Variants in EOMES observed in about 807,000 individuals in gnomAD.
EOMES encodes the protein eomesodermin homolog.
In EOMES, 18 loss-of-function variants were observed where a neutral mutation model predicts 61.0. The ratio of observed to expected loss-of-function variants is 0.30; its 90% CI spans 0.20 to 0.44. EOMES has a LOEUF of 0.44. EOMES is among the 20% of genes least tolerant of loss of function. EOMES has a pLI of 1.00. For missense variants in EOMES, 885 were observed against 939.2 expected (o/e 0.94, Z 0.75); for synonymous variants, 430 against 394.0 (o/e 1.09, Z -1.08).
At chr3:27,718,981 G>A (rs1344872086) in intron 3 of EOMES, 88 bp from the exon 4 acceptor site, 1 of 1,002,012 alleles carries the variant, frequency 1.0e-6, no homozygotes, top group East Asian at 2.5e-5. Flanking sequence ...ATGTATTTTG[G>A]TATTGGACTT....
chr3:27,721,668 G>A lies in EOMES; in HGVS notation c.627C>T (p.Gly209=), dbSNP rs1379628869. 6.5e-7 allele frequency: 1 copy of A among 1,533,358 alleles called. No homozygotes were observed. Among genetic ancestry groups the A allele is most frequent in the East Asian group, 2.5e-5 (1 of 40,346 alleles). The allele number at this position is 1,533,358 out of a possible 1,614,324, so 95.0% of individuals were successfully genotyped here. The change falls in exon 1 of 6, where the codon GGC becomes GGT. Residue 209 remains glycine (G), a synonymous_variant. Transcript: ENST00000449599. This position sits in a 1 kb window ranked among gnomAD's most constrained non-coding sequence, Gnocchi z 7.4. ...AVCPPGRAQF[G]PGAGAGSGAG... is the part of the protein sequence containing the mutation. ...CGCCACTGCCCGCACCGGCTCCTGG[G>A]CCGAACTGCGCCCTCCCGGGTGGGC...
At chr3:27,720,987 G>A (rs1012395554) in intron 1 of EOMES, among the ~76,000 whole-genome samples, 2 of 152,168 alleles carry the variant, frequency 1.3e-5, no homozygotes, top group Non-Finnish European at 2.9e-5. Context: ...AGACCCTGGC[G>A]CCTAAAACTG....
At position 27,721,816 on chromosome 3, in the gene EOMES, C is replaced by A. The variant is rs778647588; in HGVS notation, c.479G>T (p.Cys160Phe). 2.6e-6 allele frequency: 4 copies of A among 1,509,892 alleles called. No homozygotes were observed. In the South Asian group the frequency reaches 5.2e-5, roughly 20 times the overall value. 93.5% of individuals were successfully genotyped at this position (1,509,892 alleles called of 1,614,324 possible). A position where few individuals can be genotyped will look rare whatever the true frequency, so the allele number is the denominator to read the frequency against. Residue 160 changes from cysteine (C) to phenylalanine (F), a missense_variant, in exon 1 of 6, where the codon TGC becomes TTC. Physicochemically the swap from Cys to Phe is radical, Grantham distance 205. Coordinates refer to ENST00000449599, the MANE Select transcript of EOMES (RefSeq NM_001278182.2). The surrounding 1 kb of genome is among the most constrained non-coding windows in gnomAD (Gnocchi z 7.4). The part of the protein sequence containing the change: ...GPQGSELAAP[C>F]SLFPYQAAAG... ...CGCCGCCTGGTACGGGAAGAGTGAG[C>A]AGGGCGCAGCCAGCTCCGACCCCTG...
chr3:27,720,398 G>A, intron 1 of EOMES, 73 bp from the exon 2 acceptor site: 6 of 1,331,172 alleles, frequency 4.5e-6, no homozygotes, highest in Non-Finnish European at 6.5e-6. Context: ...GCCCCAGCGG[G>A]TTCCCCAGAC....
rs1446229912 is a variant in EOMES, at chr3:27,717,502, G to T, written c.1686C>A (p.Ser562Arg). 1 of 1,614,134 alleles carries T rather than the reference G, an allele frequency of 6.2e-7. No individual in the cohort carries two copies. The highest frequency in any genetic ancestry group is 1.7e-5 in the Admixed American group (1 of 60,034). The change falls in exon 6 of 6, where the codon AGC (serine) becomes AGA (arginine). Residue 562 changes from serine (S) to arginine (R), a missense_variant. Physicochemically the swap from Ser to Arg is moderately radical, Grantham distance 110 (BLOSUM62 -1). This residue lies in a region of EOMES where 259 missense variants were observed against 282.3 expected (regional missense o/e 0.92). Coordinates refer to ENST00000449599, the MANE Select transcript of EOMES (RefSeq NM_001278182.2). This position sits in a 1 kb window ranked among gnomAD's most constrained non-coding sequence, Gnocchi z 4.5. ...ISSYESEYTS[S>R]TLLPYGIKSL... ...ATTTAATGCCATATGGGAGCAATGT[G>T]CTAGAAGTATATTCAGATTCATAGG...
chr3:27,717,285 A>G lies in EOMES; in HGVS notation c.1903T>C (p.Ser635Pro). Residue 635 changes from serine to proline, a missense_variant, in exon 6 of 6, where the codon TCT (serine) becomes CCT (proline). By Grantham distance (74) the Ser-to-Pro change is moderately conservative. Around this residue, in one of 3 missense-constraint regions of EOMES, gnomAD observed 259 missense variants for 282.3 expected, o/e 0.92. Transcript: ENST00000449599. This position sits in a 1 kb window ranked among gnomAD's most constrained non-coding sequence, Gnocchi z 4.5. ...SKEKVKEEIG[S>P]SWIETPPSIK... ...GAAGGGGGTGTCTCTATCCAAGAAG[A>G]GCCAATTTCCTCTTTCACTTTCTCC... 1 of 1,614,150 alleles carries G rather than the reference A, an allele frequency of 6.2e-7. No homozygotes were observed. The highest frequency in any genetic ancestry group is 8.5e-7 in the Non-Finnish European group (1 of 1,180,008).
intron 5 of EOMES, among the ~76,000 whole-genome samples, chr3:27,718,128 C>T (rs1340919196): frequency 6.6e-6 from 1 of 151,992 alleles, no homozygotes; most frequent in African/African-American, 2.4e-5. Flanking sequence ...ATGGAAAAAA[C>T]ACTGGCTGTG....
At position 27,718,581 on chromosome 3, in the gene EOMES, A is replaced by C; in HGVS notation, c.1379+6T>G. 1 of 1,602,888 alleles carries C rather than the reference A, an allele frequency of 6.2e-7. No individual in the cohort carries two copies. ...TCAGGCAAGTGTGGATAAAAGCTGC[A>C]CTTACGAATCATAGTTGTCTCTGAA... is the stretch of plus-strand genomic sequence containing the variant. On this transcript the variant is annotated splice_donor_region_variant and intron_variant, in intron 5 of 5. Transcript: ENST00000449599.
rs980487670 is a variant in EOMES, at chr3:27,716,795, C to T, written c.*275G>A. 20 of 380,204 alleles carry T rather than the reference C, an allele frequency of 5.3e-5. No homozygotes were observed. The highest frequency in any genetic ancestry group is 8.4e-5 in the Non-Finnish European group (18 of 214,404). The allele number at this position is 380,204 out of a possible 1,614,324, so 23.6% of individuals were successfully genotyped here. ...CTGCTTCTTTGAAGGGTTAGTGTCT[C>T]CCCAATAAATAAATACAGAACCTTG... On this transcript the variant is annotated 3_prime_UTR_variant, in exon 6 of 6. Coordinates refer to ENST00000449599, the MANE Select transcript of EOMES (RefSeq NM_001278182.2).
At chr3:27,719,210 G>A (rs1331901131) in intron 3 of EOMES, 150 bp downstream of exon 3, 4 of 804,954 alleles carry the variant, frequency 5.0e-6, no homozygotes, top group African/African-American at 1.7e-5. Context: ...AGATGAGAAA[G>A]GTCAAAAGAA....
rs549253742 is a variant in EOMES, at chr3:27,716,718, G to C, written c.*352C>G. 48 of 196,594 alleles carry C rather than the reference G, an allele frequency of 2.4e-4. 1 individual carries two copies. The highest frequency in any genetic ancestry group is 4.1e-3 in the Middle Eastern group (2 of 484). The allele number at this position is 196,594 out of a possible 1,614,324, so 12.2% of individuals were successfully genotyped here. ...CTTAAGAATTTACAAATAGAAATGA[G>C]AATCAAAGGTTTTAACTCATCTGAT... On this transcript the variant is annotated 3_prime_UTR_variant, in exon 6 of 6. Transcript: ENST00000449599.
Position 27,717,720 on chromosome 3 carries a change from C to G in EOMES, c.1468G>C (p.Gly490Arg). The G allele has an allele frequency of 6.2e-7, 1 of 1,613,782 alleles. No homozygotes were observed. Among genetic ancestry groups the G allele is most frequent in the South Asian group, 1.1e-5 (1 of 91,052 alleles). Residue 490 changes from glycine to arginine, a missense_variant, in exon 6 of 6, where the codon GGC becomes CGC. By Grantham distance (125) the Gly-to-Arg change is moderately radical (BLOSUM62 -2). This residue lies in a region of EOMES where 259 missense variants were observed against 282.3 expected (regional missense o/e 0.92). Coordinates refer to ENST00000449599, the MANE Select transcript of EOMES (RefSeq NM_001278182.2). This position sits in a 1 kb window ranked among gnomAD's most constrained non-coding sequence, Gnocchi z 4.5. ...GGCTCCGGGAAGAAGGATTGAACGCCGTACCGACCTCCAGGGACAATCTGA... is the reference window on the plus strand; with the variant it reads ...GGCTCCGGGAAGAAGGATTGAACGCGGTACCGACCTCCAGGGACAATCTGA... ...SHQIVPGGRY[G>R]VQSFFPEPFV...
Position 27,722,108 on chromosome 3 carries a change from C to A in EOMES, c.187G>T (p.Ala63Ser), listed in dbSNP as rs538218063. ...KKFSGSLSCEAVSGEPAAASA... is the reference protein window; with the variant it reads ...KKFSGSLSCESVSGEPAAASA... Reference sequence around the variant, plus strand: ...GCGGCTGCGGGCTCCCCGCTCACCGCCTCGCAGGAGAGACTGCCGGAAAAC... The same window carrying A: ...GCGGCTGCGGGCTCCCCGCTCACCGACTCGCAGGAGAGACTGCCGGAAAAC... Residue 63 changes from alanine (A) to serine (S), a missense_variant, in exon 1 of 6, where the codon GCG (alanine) becomes TCG (serine). Around this residue, in one of 3 missense-constraint regions of EOMES, gnomAD observed 449 missense variants for 383.6 expected, o/e 1.17. Coordinates refer to ENST00000449599, the MANE Select transcript of EOMES (RefSeq NM_001278182.2). 2.6e-6 allele frequency: 4 copies of A among 1,549,468 alleles called. No homozygotes were observed. The highest frequency in any genetic ancestry group is 1.4e-5 in the African/African-American group (1 of 73,006).
chr3:27,719,033 A>T, intron 3 of EOMES, 140 bp from the exon 4 acceptor site: 2 of 697,650 alleles, frequency 2.9e-6, no homozygotes. Context: ...TGCAAGTTTA[A>T]AGGTCTCATT....
chr3:27,720,957 C>T (rs1365007749), intron 1 of EOMES, among the ~76,000 whole-genome samples: 3 of 152,190 alleles, frequency 2.0e-5, no homozygotes. Context: ...TCATGCCCAC[C>T]TCCCGGAGAC....
rs918752739 is a variant in EOMES at position 27,721,961 on chromosome 3, C to G, written c.334G>C (p.Glu112Gln). 3 of 1,425,122 alleles carry G rather than the reference C, an allele frequency of 2.1e-6. No individual in the cohort carries two copies. The highest frequency in any genetic ancestry group is 3.8e-5 in the Admixed American group (1 of 26,146). 88.3% of individuals were successfully genotyped at this position (1,425,122 alleles called of 1,614,324 possible). A position where few individuals can be genotyped will look rare whatever the true frequency, so the allele number is the denominator to read the frequency against. The change falls in exon 1 of 6, where the codon GAG (glutamate) becomes CAG (glutamine). Residue 112 changes from glutamate to glutamine, a missense_variant. Around this residue, in one of 3 missense-constraint regions of EOMES, gnomAD observed 449 missense variants for 383.6 expected, o/e 1.17. Transcript: ENST00000449599. The surrounding 1 kb of genome is among the most constrained non-coding windows in gnomAD (Gnocchi z 7.4). The part of the protein sequence containing the change: ...DGRKGSPCGE[E>Q]ELPSAAAAAA... ...GCTGCAGCGGCGGAGGGCAGCTCCT[C>G]CTCCCCGCAGGGGGAGCCCTTGCGG...
In EOMES at chr3:27,722,184, G is replaced by C; in HGVS notation, c.111C>G (p.Pro37=). ...GGSGGSAGHL[P]SAAPSPQKLD... is the part of the protein sequence containing the mutation. ...ACTTCTGAGGAGAGGGGGCCGCGCT[G>C]GGGAGGTGGCCAGCGCTCCCGCCGC... The change falls in exon 1 of 6, where the codon CCC becomes CCG. Residue 37 remains proline, a synonymous_variant. Transcript: ENST00000449599. The C allele has an allele frequency of 6.3e-7, 1 of 1,597,934 alleles. No individual in the cohort carries two copies. The highest frequency in any genetic ancestry group is 8.5e-7 in the Non-Finnish European group (1 of 1,173,722).
chr3:27,722,285 C>T lies in EOMES; in HGVS notation c.10G>A (p.Gly4Arg), dbSNP rs1257271727. The change falls in exon 1 of 6, where the codon GGG becomes AGG. Residue 4 changes from glycine (G) to arginine (R), a missense_variant. Gly to Arg is a moderately radical substitution (Grantham distance 125). This residue lies in a region of EOMES where 449 missense variants were observed against 383.6 expected (regional missense o/e 1.17). Coordinates refer to ENST00000449599, the MANE Select transcript of EOMES (RefSeq NM_001278182.2). ...ACTGAGCTCACCAAGAGCTGCTCCC[C>T]TAACTGCATGCTTTGCAAAGCGCAG... MQLGEQLLVSSVNL... is the reference protein window; with the variant it reads MQLREQLLVSSVNL... 3 of 1,579,736 alleles carry T rather than the reference C, an allele frequency of 1.9e-6. No individual in the cohort carries two copies. Among genetic ancestry groups the T allele is most frequent in the East Asian group, 2.4e-5 (1 of 41,126 alleles).
At chr3:27,722,516 G>A, upstream of EOMES, 1 of 1,347,208 alleles carries the variant, frequency 7.4e-7, no homozygotes, top group Middle Eastern at 2.8e-4. Flanking sequence ...GAGTTGGAAA[G>A]CAGGAGGTGG....
Sources: gnomAD v4.1 joint callset for allele counts (sites outside exome capture counted in the v4.1 genomes callset) on GRCh38, gnomAD v4.1.1 for gene constraint, gnomAD v4.1.1 regional missense constraint, Gnocchi (gnomAD v3.1) non-coding constraint, MANE v1.5 for transcripts, NCBI Gene and HGNC (gene_info 2026-07-23, HGNC 2026-07-21) for gene names.